The following ABCC11 variants were observed in gnomAD, a reference collection of about 807,000 sequenced individuals.
The protein encoded by ABCC11 is ATP binding cassette subfamily C member 11.
In ABCC11, 135 loss-of-function variants were observed where a neutral mutation model predicts 149.3. The observed-to-expected ratio is 0.90, with a 90% CI of 0.79 to 1.04. The LOEUF (loss-of-function observed/expected upper bound fraction) is 1.04, where lower values mean the gene tolerates loss of function less well. Ranked by LOEUF, ABCC11 falls within the 50% of genes least tolerant of loss-of-function variation. The pLI is 0.00. For missense variants in ABCC11, 1,680 were observed against 1,722.1 expected (o/e 0.98, Z 0.43); for synonymous variants, 665 against 671.4 (o/e 0.99, Z 0.15).
At chr16:48,234,929 G>T (rs1022757197) in intron 1 of ABCC11, among the ~76,000 whole-genome samples, 2 of 150,250 alleles carry the variant, frequency 1.3e-5, no homozygotes, top group African/African-American at 5.0e-5. Context: ...CCAGGTTCCT[G>T]ATTCTTTCTC....
chr16:48,208,948 C>A (rs919404496), intron 11 of ABCC11, among the ~76,000 whole-genome samples: 6 of 152,080 alleles, frequency 3.9e-5, no homozygotes, highest in Non-Finnish European at 7.4e-5. Context: ...CTCTATGGAC[C>A]TAGTAATGAA....
At chr16:48,212,763 A>T (rs990102510) in intron 10 of ABCC11, among the ~76,000 whole-genome samples, 1 of 152,234 alleles carries the variant, frequency 6.6e-6, no homozygotes, top group Non-Finnish European at 1.5e-5. Context: ...AATGAGTGAT[A>T]ATAGGTCGTG....
Position 48,227,913 on chromosome 16 carries a change from G to C in ABCC11, c.288C>G (p.Thr96=). ...LDNAGLFSYL[T]VSWLTPLMIQ... is the part of the protein sequence containing the mutation. ...TCATGAGCGGGGTGAGCCATGACACGGTGAGGTAGGAGAACAGGCCAGCAT... is the reference window on the plus strand; with the variant it reads ...TCATGAGCGGGGTGAGCCATGACACCGTGAGGTAGGAGAACAGGCCAGCAT... The change falls in exon 4 of 30, where the codon ACC becomes ACG. Residue 96 remains threonine, a synonymous_variant. Transcript: ENST00000356608. 6.2e-7 allele frequency: 1 copy of C among 1,614,040 alleles called. No homozygotes were observed. Among genetic ancestry groups the C allele is most frequent in the Non-Finnish European group, 8.5e-7 (1 of 1,179,970 alleles).
intron 28 of ABCC11, 123 bp downstream of exon 28, chr16:48,169,982 T>C: frequency 3.0e-6 from 2 of 657,990 alleles, no homozygotes; most frequent in Non-Finnish European, 5.4e-6. Flanking sequence ...TTGTTGTTGT[T>C]GTTAAGACGT....
intron 1 of ABCC11, among the ~76,000 whole-genome samples, chr16:48,238,881 G>A (rs536926012): frequency 7.2e-6 from 1 of 139,116 alleles, no homozygotes; most frequent in Admixed American, 7.5e-5. Context: ...AGCTTGCAGT[G>A]AGCCGAGATC....
chr16:48,192,470 G>A, intron 20 of ABCC11, 50 bp downstream of exon 20: 1 of 1,562,746 alleles, frequency 6.4e-7, no homozygotes. Context: ...AATGAAGCTG[G>A]GCAAGTTCAG....
chr16:48,227,697 C>G, intron 4 of ABCC11, 109 bp downstream of exon 4: 2 of 1,461,134 alleles, frequency 1.4e-6, no homozygotes, highest in South Asian at 2.3e-5. Context: ...CAGGAAGAGC[C>G]AAGTCGTCTG....
Position 48,209,596 on chromosome 16 carries a change from G to A in ABCC11, c.1609-1100C>T, listed in dbSNP as rs531719435. 3.0e-3 allele frequency: 477 copies of A among 158,950 alleles called. 3 individuals are homozygous for A. Among genetic ancestry groups the A allele is most frequent in the African/African-American group, 0.011 (452 of 41,664 alleles). 9.8% of individuals were successfully genotyped at this position (158,950 alleles called of 1,614,324 possible). A position where few individuals can be genotyped will look rare whatever the true frequency, so the allele number is the denominator to read the frequency against. The stretch of plus-strand genomic sequence containing the variant: ...TGGCCTGCTGCTCACCTCCTGCTGT[G>A]CGGCCTGGTTTCTAACAGGCTGTGG... On this transcript the variant is annotated intron_variant, in intron 11 of 29. Coordinates refer to ENST00000356608, the MANE Select transcript of ABCC11 (RefSeq NM_001370497.1).
chr16:48,194,775 C>G (rs1007215856), intron 18 of ABCC11, among the ~76,000 whole-genome samples: 16 of 152,338 alleles, frequency 1.1e-4, no homozygotes, highest in Admixed American at 8.5e-4. Context: ...ATACTGGGCC[C>G]TCACCAGACA....
intron 23 of ABCC11, among the ~76,000 whole-genome samples, chr16:48,180,631 C>T (rs542892372): frequency 2.0e-5 from 3 of 152,218 alleles, no homozygotes; most frequent in African/African-American, 4.8e-5. Context: ...TCCCAATGCT[C>T]GAATGTAATT....
intron 11 of ABCC11, 142 bp downstream of exon 11, chr16:48,210,806 T>C (rs13334798): frequency 0.064 from 73,459 of 1,156,222 alleles, 2,707 homozygotes; most frequent in Middle Eastern, 0.14. Context: ...TTGCCCTCCA[T>C]GAAAAATTTG....
chr16:48,220,210 C>A (rs1193040558), intron 6 of ABCC11, among the ~76,000 whole-genome samples: 1 of 152,200 alleles, frequency 6.6e-6, no homozygotes, highest in African/African-American at 2.4e-5. Context: ...CGGGTGACTG[C>A]AAGGGTTGAA....
Position 48,215,218 on chromosome 16 carries a change from G to C in ABCC11, c.1078C>G (p.Pro360Ala), listed in dbSNP as rs201123840. The change falls in exon 8 of 30, where the codon CCA becomes GCA. Residue 360 changes from proline (P) to alanine (A), a missense_variant. Transcript: ENST00000356608. The stretch of plus-strand genomic sequence containing the variant: ...ATACCTTCAATGATTTTTGCAAATG[G>C]TTTCTCCCATGTGTACATTTTAATC... ...KLIKMYTWEK[P>A]FAKIIEDLRR... 1 of 1,611,182 alleles carries C rather than the reference G, an allele frequency of 6.2e-7. No homozygotes were observed. The highest frequency in any genetic ancestry group is 2.2e-5 in the East Asian group (1 of 44,790).
At chr16:48,245,834 A>G (rs1184090138) in intron 1 of ABCC11, among the ~76,000 whole-genome samples, 5 of 152,068 alleles carry the variant, frequency 3.3e-5, no homozygotes, top group Non-Finnish European at 7.4e-5. Context: ...TTATTGGACA[A>G]TGCTGGTATA....
intron 1 of ABCC11, among the ~76,000 whole-genome samples, chr16:48,242,352 T>C (rs897061181): frequency 6.6e-5 from 10 of 152,094 alleles, no homozygotes; most frequent in Non-Finnish European, 2.9e-5. Context: ...TGAGATACCA[T>C]CTCACACCAG....
At position 48,176,838 on chromosome 16, in the gene ABCC11, C is replaced by T. The variant is rs920499587; in HGVS notation, c.3538+86G>A. 3.5e-5 allele frequency: 50 copies of T among 1,431,124 alleles called. No homozygotes were observed. The African/African-American group carries it at 5.3e-4, about 15-fold the overall frequency. The allele number at this position is 1,431,124 out of a possible 1,614,324, so 88.7% of individuals were successfully genotyped here. A position where few individuals can be genotyped will look rare whatever the true frequency, so the allele number is the denominator to read the frequency against. On this transcript the variant is annotated intron_variant, in intron 25 of 29. Transcript: ENST00000356608. ...GACCTAATACATATTTGGGGGATGA[C>T]TGAGCAAACACATGCCCCTAAATAG... is the stretch of plus-strand genomic sequence containing the variant.
At chr16:48,165,625 T>G (rs534928506), downstream of ABCC11, 1 of 152,506 alleles carries the variant, frequency 6.6e-6, no homozygotes, top group East Asian at 1.9e-4. Flanking sequence ...CTGTTCCTGC[T>G]TCTAGCCTCA....
intron 23 of ABCC11, 97 bp from the exon 24 acceptor site, chr16:48,178,783 G>C: frequency 9.6e-7 from 1 of 1,043,494 alleles, no homozygotes; most frequent in Non-Finnish European, 1.5e-6. Context: ...TTGCCCCTGA[G>C]TGACCCCTGA....
intron 1 of ABCC11, among the ~76,000 whole-genome samples, chr16:48,244,029 C>G (rs1971173661): frequency 7.3e-6 from 1 of 136,096 alleles, no homozygotes; most frequent in Admixed American, 7.1e-5. Context: ...ATAATTAGTT[C>G]GAATCAAAAG....
Sources: gnomAD v4.1 joint callset for allele counts (sites outside exome capture counted in the v4.1 genomes callset) on GRCh38, gnomAD v4.1.1 for gene constraint, MANE v1.5 for transcripts, NCBI Gene and HGNC (gene_info 2026-07-23, HGNC 2026-07-21) for gene names.